SERPINF1: variants seen among roughly 807,000 people sequenced by gnomAD.
SERPINF1 encodes serpin family F member 1, also known as pigment epithelium-derived factor.
Under a neutral mutation model 37.3 loss-of-function variants are expected in SERPINF1, and 29 were observed. That is an observed-to-expected ratio of 0.78 (90% CI 0.58 to 1.06). The LOEUF is 1.06. SERPINF1 is among the 50% of genes least tolerant of loss of function. The pLI is 0.00. For missense variants in SERPINF1, 553 were observed against 532.2 expected, an observed-to-expected ratio of 1.04 and a Z score of -0.38; for synonymous variants, 281 against 227.9, an observed-to-expected ratio of 1.23 and a Z score of -2.10.
intron 3 of SERPINF1, 85 bp from the exon 4 acceptor site, chr17:1,770,944 G>A: frequency 6.5e-7 from 1 of 1,542,630 alleles, no homozygotes; most frequent in South Asian, 1.1e-5. Context: ...CAAAAAAGAT[G>A]AGTATAGTGT....
chr17:1,764,477 A>C (rs1597345200), intron 1 of SERPINF1, among the ~76,000 whole-genome samples: 1 of 152,252 alleles, frequency 6.6e-6, no homozygotes, highest in Non-Finnish European at 1.5e-5. Flanking sequence ...TTCTCCCTGC[A>C]TGTCAGGGCA....
chr17:1,770,886 G>A, intron 3 of SERPINF1, 143 bp from the exon 4 acceptor site: 1 of 1,031,854 alleles, frequency 9.7e-7, no homozygotes, highest in Non-Finnish European at 1.5e-6. Flanking sequence ...AAAATTCCTT[G>A]GCCACCTAGA....
rs1254323709 is a variant in SERPINF1 at position 1,766,909 on chromosome 17, G to A, written c.-2G>A. On this transcript the variant is annotated 5_prime_UTR_variant, in exon 2 of 8. Coordinates refer to ENST00000254722, the MANE Select transcript of SERPINF1 (RefSeq NM_002615.7). ...CCTCGTTCTTTTCTTGCAGGCCCCA[G>A]GATGCAGGCCCTGGTGCTACTCCTC... 1 of 1,558,654 alleles carries A rather than the reference G, an allele frequency of 6.4e-7. No individual in the cohort carries two copies. The highest frequency in any genetic ancestry group is 1.2e-5 in the South Asian group (1 of 84,462).
In SERPINF1 at chr17:1,776,602, T is replaced by G; in HGVS notation, c.857T>G (p.Leu286Trp). 1 of 1,613,988 alleles carries G rather than the reference T, an allele frequency of 6.2e-7. No homozygotes were observed. Among genetic ancestry groups the G allele is most frequent in the Non-Finnish European group, 8.5e-7 (1 of 1,180,010 alleles). The change falls in exon 7 of 8, where the codon TTG becomes TGG. Residue 286 changes from leucine (L) to tryptophan (W), a missense_variant. Leu to Trp is a moderately conservative substitution (Grantham distance 61). Coordinates refer to ENST00000254722, the MANE Select transcript of SERPINF1 (RefSeq NM_002615.7). ...CTGCCCCTGAAAGTGACCCAGAATT[T>G]GACCTTGATAGAGGAGAGCCTCACC... ...FFLPLKVTQN[L>W]TLIEESLTSE...
At chr17:1,771,789 A>G in intron 4 of SERPINF1, 83 bp from the exon 5 acceptor site, 1 of 1,411,536 alleles carries the variant, frequency 7.1e-7, no homozygotes, top group Non-Finnish European at 9.8e-7. Flanking sequence ...GCGCTAAACC[A>G]GAACCCGAGC....
At chr17:1,772,631 T>G (rs1487824595) in intron 5 of SERPINF1, among the ~76,000 whole-genome samples, 3 of 151,638 alleles carry the variant, frequency 2.0e-5, no homozygotes, top group African/African-American at 7.3e-5. Context: ...CGATCTCGGC[T>G]CACTGCAAGC....
chr17:1,763,447 G>A (rs1169262293), intron 1 of SERPINF1, among the ~76,000 whole-genome samples: 1 of 152,220 alleles, frequency 6.6e-6, no homozygotes, highest in Non-Finnish European at 1.5e-5. Context: ...CTGCTAGGAC[G>A]AGAGCGGGGC....
At chr17:1,770,452 CTTTTTTTT>C (rs35913837) in intron 3 of SERPINF1, 3 of 162,314 alleles carry the variant, frequency 1.8e-5, no homozygotes, top group Middle Eastern at 2.8e-3. Flanking sequence ...ACAGAATAGT[CTTTTTTTT>C]TTTTTTTTTT....
chr17:1,768,552 C>T (rs1050628074), intron 2 of SERPINF1, among the ~76,000 whole-genome samples: 3 of 151,692 alleles, frequency 2.0e-5, no homozygotes, highest in Non-Finnish European at 4.4e-5. Flanking sequence ...TGGCTCACTG[C>T]AATCTTGGCC....
intron 1 of SERPINF1, among the ~76,000 whole-genome samples, chr17:1,763,162 G>T (rs1016547147): frequency 6.6e-6 from 1 of 152,222 alleles, no homozygotes; most frequent in Non-Finnish European, 1.5e-5. Flanking sequence ...AGCCAGGGGA[G>T]GGGGAGGTGC....
At chr17:1,767,598 G>A (rs2151205868) in intron 2 of SERPINF1, among the ~76,000 whole-genome samples, 1 of 152,344 alleles carries the variant, frequency 6.6e-6, no homozygotes, top group Non-Finnish European at 1.5e-5. Context: ...GGTTCCCAAG[G>A]CAGATACAGG....
chr17:1,769,996 A>G lies in SERPINF1; in HGVS notation c.229A>G (p.Asn77Asp). 1 of 1,614,010 alleles carries G rather than the reference A, an allele frequency of 6.2e-7. No homozygotes were observed. Among genetic ancestry groups the G allele is most frequent in the Non-Finnish European group, 8.5e-7 (1 of 1,179,968 alleles). ...RVRSSTSPTT[N>D]VLLSPLSVAT... is the part of the protein sequence containing the mutation. Reference sequence around the variant, plus strand: ...GCGATCCAGCACGAGCCCCACGACCAACGTGCTCCTGTCTCCTCTCAGTGT... The same window carrying G: ...GCGATCCAGCACGAGCCCCACGACCGACGTGCTCCTGTCTCCTCTCAGTGT... Residue 77 changes from asparagine (N) to aspartate (D), a missense_variant, in exon 3 of 8, where the codon AAC becomes GAC. Asn to Asp is a conservative substitution (Grantham distance 23). Coordinates refer to ENST00000254722, the MANE Select transcript of SERPINF1 (RefSeq NM_002615.7).
At chr17:1,776,878 C>G in intron 7 of SERPINF1, 136 bp downstream of exon 7, 1 of 842,158 alleles carries the variant, frequency 1.2e-6, no homozygotes, top group Non-Finnish European at 1.9e-6. Context: ...TAATCCTCAT[C>G]GTGCCAGAAG....
In SERPINF1 at chr17:1,771,953, G is replaced by C. The variant is rs778071578; in HGVS notation, c.521G>C (p.Arg174Pro). The change falls in exon 5 of 8, where the codon CGC becomes CCC. Residue 174 changes from arginine (R) to proline (P), a missense_variant. Physicochemically the swap from Arg to Pro is moderately radical, Grantham distance 103. Coordinates refer to ENST00000254722, the MANE Select transcript of SERPINF1 (RefSeq NM_002615.7). ...TRPRVLTGNP[R>P]LDLQEINNWV... is the part of the protein sequence containing the mutation. ...CCCAGAGTCCTGACGGGCAACCCTCGCTTGGACCTGCAAGAGATCAACAAC... is the reference window on the plus strand; with the variant it reads ...CCCAGAGTCCTGACGGGCAACCCTCCCTTGGACCTGCAAGAGATCAACAAC... 1 of 1,613,788 alleles carries C rather than the reference G, an allele frequency of 6.2e-7. No homozygotes were observed. The highest frequency in any genetic ancestry group is 8.5e-7 in the Non-Finnish European group (1 of 1,180,008).
intron 3 of SERPINF1, among the ~76,000 whole-genome samples, 187 bp downstream of exon 3, chr17:1,770,237 C>G (rs943441307): frequency 6.6e-6 from 1 of 152,180 alleles, no homozygotes; most frequent in Non-Finnish European, 1.5e-5. Flanking sequence ...TTCCCCAGCT[C>G]CCCGAAAGGG....
chr17:1,775,462 C>T (rs1907972463), intron 6 of SERPINF1, among the ~76,000 whole-genome samples: 1 of 151,942 alleles, frequency 6.6e-6, no homozygotes, highest in African/African-American at 2.4e-5. Flanking sequence ...ACTGGGCACC[C>T]ACATGTTTGT....
Position 1,766,921 on chromosome 17 carries a change from T to C in SERPINF1, c.11T>C (p.Leu4Pro). 1.9e-6 allele frequency: 3 copies of C among 1,562,520 alleles called. No homozygotes were observed. Among genetic ancestry groups the C allele is most frequent in the Non-Finnish European group, 2.6e-6 (3 of 1,153,272 alleles). The change falls in exon 2 of 8, where the codon CTG becomes CCG. Residue 4 changes from leucine (L) to proline (P), a missense_variant. Leu to Pro is a moderately conservative substitution (Grantham distance 98, BLOSUM62 -3). Coordinates refer to ENST00000254722, the MANE Select transcript of SERPINF1 (RefSeq NM_002615.7). ...CTTGCAGGCCCCAGGATGCAGGCCC[T>C]GGTGCTACTCCTCTGCATTGGAGCC... MQA[L>P]VLLLCIGALL...
intron 1 of SERPINF1, 61 bp from the exon 2 acceptor site, chr17:1,766,842 G>T (rs1907410163): frequency 1.5e-5 from 22 of 1,487,922 alleles, no homozygotes; most frequent in Non-Finnish European, 2.0e-5. Flanking sequence ...GGCCAGGAAG[G>T]GGTAGCGGGG....
At chr17:1,767,704 G>C (rs1407996062) in intron 2 of SERPINF1, among the ~76,000 whole-genome samples, 1 of 152,228 alleles carries the variant, frequency 6.6e-6, no homozygotes, top group Non-Finnish European at 1.5e-5. Flanking sequence ...ATCTTGGCGA[G>C]AGCCCTGGAC....
Sources: gnomAD v4.1 joint callset for allele counts (sites outside exome capture counted in the v4.1 genomes callset) on GRCh38, gnomAD v4.1.1 for gene constraint, MANE v1.5 for transcripts, NCBI Gene and HGNC (gene_info 2026-07-23, HGNC 2026-07-21) for gene names.